The following DNM2 variants were observed in gnomAD, a reference collection of about 807,000 sequenced individuals.
DNM2 encodes dynamin 2, also known as dynamin-2.
DNM2 carries 15 observed loss-of-function variants against 99.0 expected under a neutral mutation model. That is an observed-to-expected ratio of 0.15 (90% CI 0.10 to 0.23). The LOEUF is 0.23. DNM2 is among the 10% of genes least tolerant of loss of function. The pLI is 1.00. For missense variants in DNM2, 742 were observed against 1,189.4 expected, an observed-to-expected ratio of 0.62 and a Z score of 5.53; for synonymous variants, 525 against 481.2, an observed-to-expected ratio of 1.09 and a Z score of -1.19.
rs747752571 is a variant in DNM2 at position 10,793,831 on chromosome 19, G to A, written c.1104G>A (p.Glu368=). 1.1e-5 allele frequency: 17 copies of A among 1,614,084 alleles called. No individual in the cohort carries two copies. The highest frequency in any genetic ancestry group is 1.4e-5 in the Non-Finnish European group (17 of 1,180,042). ...GGARINRIFH[E]RFPFELVKME... ...CCCGAATCAATCGCATCTTCCACGA[G>A]CGGTTCCCATTTGAGCTGGTGAAGG... The change falls in exon 8 of 21, where the codon GAG becomes GAA. Residue 368 remains glutamate, a synonymous_variant. Transcript: ENST00000389253.
intron 10 of DNM2, 128 bp from the exon 11 acceptor site, chr19:10,798,358 G>A (rs1449734765): frequency 5.6e-6 from 4 of 710,672 alleles, no homozygotes. Flanking sequence ...CAGGAGCAAG[G>A]TGTGGGCTCG....
At chr19:10,723,384 T>C (rs989583872) in intron 1 of DNM2, among the ~76,000 whole-genome samples, 6 of 152,022 alleles carry the variant, frequency 3.9e-5, no homozygotes, top group Admixed American at 3.9e-4. Context: ...CTGCCGGCCA[T>C]GGCCTCCCAA....
chr19:10,723,546 G>A (rs1345032559), intron 1 of DNM2, among the ~76,000 whole-genome samples: 1 of 152,198 alleles, frequency 6.6e-6, no homozygotes, highest in South Asian at 2.1e-4. Flanking sequence ...GGGATTGCAG[G>A]TGTAAGCCAC....
chr19:10,796,237 G>A lies in DNM2; in HGVS notation c.1196+798G>A, dbSNP rs1352465099. On this transcript the variant is annotated intron_variant, in intron 9 of 20. Transcript: ENST00000389253. This position sits in a 1 kb window ranked among gnomAD's most constrained non-coding sequence, Gnocchi z 5.6. ...CGGCAGGGTGACTCCTGACCTTGTG[G>A]AAACGGGGGTACGGGGGTTTGGTAT... The A allele has an allele frequency of 4.3e-6, 7 of 1,613,468 alleles. No homozygotes were observed. In the East Asian group the frequency reaches 1.3e-4, roughly 31 times the overall value.
At position 10,830,172 on chromosome 19, in the gene DNM2, C is replaced by A. The variant is rs759073717; in HGVS notation, c.2337C>A (p.Gly779=). 3.1e-6 allele frequency: 5 copies of A among 1,613,596 alleles called. No individual in the cohort carries two copies. In the African/African-American group the frequency reaches 6.7e-5, roughly 22 times the overall value. Residue 779 remains glycine, a synonymous_variant, in exon 20 of 21, where the codon GGC becomes GGA. Transcript: ENST00000389253. This position sits in a 1 kb window ranked among gnomAD's most constrained non-coding sequence, Gnocchi z 4.8. The part of the protein sequence containing the change: ...RRPVSSIHPP[G]RPPAVRGPTP... ...CGGTGTCCAGCATACACCCCCCTGG[C>A]CGGCCCCCAGCAGTGAGGGGCCCCA...
chr19:10,718,081 G>A lies in DNM2; in HGVS notation c.-162G>A, dbSNP rs2068813144. 6.9e-6 allele frequency: 6 copies of A among 864,204 alleles called. No individual in the cohort carries two copies. Among genetic ancestry groups the A allele is most frequent in the Non-Finnish European group, 7.7e-6 (5 of 652,208 alleles). The allele number at this position is 864,204 out of a possible 1,614,324, so 53.5% of individuals were successfully genotyped here. A position where few individuals can be genotyped will look rare whatever the true frequency, so the allele number is the denominator to read the frequency against. On this transcript the variant is annotated 5_prime_UTR_variant, in exon 1 of 21. Coordinates refer to ENST00000389253, the MANE Select transcript of DNM2 (RefSeq NM_001005361.3). ...GTCGCTCGGGTCGGGTGTCGCCTGA[G>A]AACCGGATGAGGCGGCGACCGTGAG...
Position 10,831,708 on chromosome 19 carries a change from G to A in DNM2, c.*661G>A. 1 of 986,468 alleles carries A rather than the reference G, an allele frequency of 1.0e-6. No individual in the cohort carries two copies. The allele number at this position is 986,468 out of a possible 1,614,324, so 61.1% of individuals were successfully genotyped here. A position where few individuals can be genotyped will look rare whatever the true frequency, so the allele number is the denominator to read the frequency against. ...CTCCTGGGTCCCCCAGGGTGGCTGG[G>A]CTTGGGCTATGTGGGTGGTGGTGGC... On this transcript the variant is annotated 3_prime_UTR_variant, in exon 21 of 21. Coordinates refer to ENST00000389253, the MANE Select transcript of DNM2 (RefSeq NM_001005361.3). The surrounding 1 kb of genome is among the most constrained non-coding windows in gnomAD (Gnocchi z 4.3).
chr19:10,741,772 C>CT (rs1206155049), intron 1 of DNM2, among the ~76,000 whole-genome samples: 3 of 151,382 alleles, frequency 2.0e-5, no homozygotes, highest in African/African-American at 7.3e-5. Flanking sequence ...AGGATGGTCT[C>CT]TATCTCCTGA....
At chr19:10,739,959 C>G (rs1414619647) in intron 1 of DNM2, among the ~76,000 whole-genome samples, 2 of 145,462 alleles carry the variant, frequency 1.4e-5, no homozygotes, top group East Asian at 4.1e-4. Context: ...AATTAAATTT[C>G]TTGTACATCT....
intron 1 of DNM2, among the ~76,000 whole-genome samples, chr19:10,758,427 TTCCC>T (rs1169505994): frequency 1.8e-4 from 6 of 32,918 alleles, no homozygotes; most frequent in African/African-American, 3.7e-4. Context: ...CCCTCCCTCC[TTCCC>T]TCCCTCCCTC....
At position 10,830,083 on chromosome 19, in the gene DNM2, T is replaced by G. The variant is rs955910192; in HGVS notation, c.2292-44T>G. ...GCCACAGTGGCATGGCGGGGGCTCC[T>G]ACTCCATCTGTATCTGTAGCTCACA... On this transcript the variant is annotated intron_variant, in intron 19 of 20. Coordinates refer to ENST00000389253, the MANE Select transcript of DNM2 (RefSeq NM_001005361.3). The surrounding 1 kb of genome is among the most constrained non-coding windows in gnomAD (Gnocchi z 4.8). 1.9e-6 allele frequency: 3 copies of G among 1,613,418 alleles called. No individual in the cohort carries two copies. The highest frequency in any genetic ancestry group is 2.5e-6 in the Non-Finnish European group (3 of 1,179,628).
intron 1 of DNM2, among the ~76,000 whole-genome samples, chr19:10,746,727 GTTTT>G (rs757494612): frequency 5.5e-4 from 64 of 116,212 alleles, no homozygotes; most frequent in East Asian, 3.4e-3. Context: ...CTTTTTTTTT[GTTTT>G]TTGTTTTTTT....
rs1458349934 is a variant in DNM2 at position 10,812,639 on chromosome 19, T to G, written c.1671+262T>G. On this transcript the variant is annotated intron_variant, in intron 15 of 20. Coordinates refer to ENST00000389253, the MANE Select transcript of DNM2 (RefSeq NM_001005361.3). This position sits in a 1 kb window ranked among gnomAD's most constrained non-coding sequence, Gnocchi z 4.0. ...CCGTCTCTACTAAAATTGCAAAAAT[T>G]AGCCAGGAGTGGTGGCACGCGCCTG... Among the ~76,000 whole-genome samples, 1 of 152,026 alleles carries G rather than the reference T, an allele frequency of 6.6e-6. No homozygotes were observed. Among genetic ancestry groups the G allele is most frequent in the Non-Finnish European group, 1.5e-5 (1 of 67,992 alleles).
At chr19:10,722,785 G>A (rs563640076) in intron 1 of DNM2, among the ~76,000 whole-genome samples, 42 of 151,360 alleles carry the variant, frequency 2.8e-4, no homozygotes, top group African/African-American at 8.3e-4. Flanking sequence ...GTGCCACCAC[G>A]CTTGGCTAAT....
At position 10,830,244 on chromosome 19, in the gene DNM2, C is replaced by T. The variant is rs1355836332; in HGVS notation, c.2409C>T (p.Ser803=). The change falls in exon 20 of 21, where the codon TCC becomes TCT. Residue 803 remains serine (S), a synonymous_variant. Transcript: ENST00000389253. This position sits in a 1 kb window ranked among gnomAD's most constrained non-coding sequence, Gnocchi z 4.8. ...CTGTTCCCGTGGGGGCAGCAGCCTC[C>T]TTCTCGGCGCCCCCAATCCCATCCC... ...LIPVPVGAAA[S]FSAPPIPSRP... 1 of 1,613,826 alleles carries T rather than the reference C, an allele frequency of 6.2e-7. No individual in the cohort carries two copies. The highest frequency in any genetic ancestry group is 8.5e-7 in the Non-Finnish European group (1 of 1,179,914).
In DNM2 at chr19:10,774,716, C is replaced by T. The variant is rs143428413; in HGVS notation, c.386-987C>T. Among the ~76,000 whole-genome samples the T allele has an allele frequency of 3.1e-3, 458 of 145,762 alleles. 3 individuals are homozygous for T. Among genetic ancestry groups the T allele is most frequent in the African/African-American group, 0.011 (443 of 40,356 alleles). The stretch of plus-strand genomic sequence containing the variant: ...CTGGCATTACAGGTGTGAGCCACTG[C>T]GTTGGCCTATGCTTTTTTTTTTTTT... On this transcript the variant is annotated intron_variant, in intron 3 of 20. Coordinates refer to ENST00000389253, the MANE Select transcript of DNM2 (RefSeq NM_001005361.3).
At chr19:10,761,115 A>G (rs923812688) in intron 2 of DNM2, among the ~76,000 whole-genome samples, 3 of 151,590 alleles carry the variant, frequency 2.0e-5, no homozygotes, top group Non-Finnish European at 4.4e-5. Context: ...CAGCCTCCTG[A>G]GTTGCTGGGA....
chr19:10,807,328 C>T (rs920012286), intron 13 of DNM2, among the ~76,000 whole-genome samples: 1 of 152,024 alleles, frequency 6.6e-6, no homozygotes, highest in Admixed American at 6.6e-5. Flanking sequence ...GCAACCTCCA[C>T]CTCCCGGGTT....
At chr19:10,794,599 A>C (rs1362809026) in intron 8 of DNM2, among the ~76,000 whole-genome samples, 1 of 151,888 alleles carries the variant, frequency 6.6e-6, no homozygotes, top group Non-Finnish European at 1.5e-5. Context: ...AAAATTATCC[A>C]GGTGTGGTGG....
Sources: allele counts gnomAD v4.1 joint callset (sites outside exome capture counted in the v4.1 genomes callset), GRCh38; gene constraint gnomAD v4.1.1; non-coding constraint Gnocchi (gnomAD v3.1); transcripts MANE v1.5; gene names NCBI Gene and HGNC (gene_info 2026-07-23, HGNC 2026-07-21).